GABRB2: variants seen among roughly 807,000 people sequenced by gnomAD.
GABRB2 encodes the protein gamma-aminobutyric acid type A receptor subunit beta2.
Under a neutral mutation model 54.7 loss-of-function variants are expected in GABRB2, and 16 were observed. The observed-to-expected ratio is 0.29, with a 90% CI of 0.20 to 0.44. The LOEUF (loss-of-function observed/expected upper bound fraction) is 0.44, where lower values mean the gene tolerates loss of function less well. Ranked by LOEUF, GABRB2 falls within the 20% of genes least tolerant of loss-of-function variation. The pLI, the probability that GABRB2 is intolerant of heterozygous loss-of-function variation, is 1.00. For missense variants in GABRB2, 355 were observed against 644.0 expected (o/e 0.55, Z 4.86); for synonymous variants, 244 against 233.8 (o/e 1.04, Z -0.40).
chr5:161,358,465 T>G (rs1754706120), intron 5 of GABRB2, among the ~76,000 whole-genome samples: 1 of 152,072 alleles, frequency 6.6e-6, no homozygotes, highest in South Asian at 2.1e-4. Context: ...GCAGGTTCAC[T>G]GGGGAAAATT....
intron 4 of GABRB2, 48 bp downstream of exon 4, chr5:161,459,576 A>T: frequency 7.1e-7 from 1 of 1,411,068 alleles, no homozygotes; most frequent in Non-Finnish European, 1.0e-6. Flanking sequence ...GAAAATTAAC[A>T]GCTATTTTGT....
intron 4 of GABRB2, among the ~76,000 whole-genome samples, chr5:161,427,606 G>T (rs1196514589): frequency 2.0e-5 from 3 of 151,820 alleles, no homozygotes; most frequent in Non-Finnish European, 4.4e-5. Context: ...GCACAACTTT[G>T]TTAATTTGGG....
intron 3 of GABRB2, among the ~76,000 whole-genome samples, chr5:161,493,764 G>T (rs1759145705): frequency 1.3e-5 from 2 of 151,706 alleles, no homozygotes; most frequent in South Asian, 4.1e-4. Flanking sequence ...CTGGTACAGA[G>T]GAAAACTACC....
intron 4 of GABRB2, among the ~76,000 whole-genome samples, chr5:161,458,271 A>C (rs866031570): frequency 6.6e-6 from 1 of 152,176 alleles, no homozygotes; most frequent in Non-Finnish European, 1.5e-5. Context: ...CCACTTCAGT[A>C]GAATCTTTTC....
chr5:161,545,394 G>T, intron 2 of GABRB2, 100 bp from the exon 3 acceptor site: 5 of 605,730 alleles, frequency 8.3e-6, no homozygotes, highest in South Asian at 1.2e-4. Context: ...AAACCCTTCT[G>T]CACTACTCAA....
intron 5 of GABRB2, among the ~76,000 whole-genome samples, chr5:161,363,538 A>AT (rs1028815958): frequency 2.1e-5 from 3 of 145,224 alleles, no homozygotes; most frequent in African/African-American, 4.9e-5. Context: ...AAAAAAATTA[A>AT]TTTTTTTAAA....
At chr5:161,415,860 G>A (rs551577951) in intron 4 of GABRB2, among the ~76,000 whole-genome samples, 27 of 152,162 alleles carry the variant, frequency 1.8e-4, no homozygotes, top group African/African-American at 5.5e-4. Flanking sequence ...TGATCCACTT[G>A]CCCCAGCCTC....
At chr5:161,403,632 G>A (rs1355351279) in intron 5 of GABRB2, among the ~76,000 whole-genome samples, 1 of 152,060 alleles carries the variant, frequency 6.6e-6, no homozygotes, top group East Asian at 1.9e-4. Context: ...AGCAGAAAAC[G>A]TGTAAAATAA....
intron 4 of GABRB2, among the ~76,000 whole-genome samples, chr5:161,423,297 C>T (rs920359139): frequency 2.6e-5 from 4 of 152,010 alleles, no homozygotes; most frequent in South Asian, 2.1e-4. Context: ...AGAAAGATTT[C>T]GAGATAGGCA....
chr5:161,420,354 T>A (rs1474659431), intron 4 of GABRB2, among the ~76,000 whole-genome samples: 1 of 152,246 alleles, frequency 6.6e-6, no homozygotes, highest in African/African-American at 2.4e-5. Context: ...GCAAATATTA[T>A]TTTAAAATGT....
At chr5:161,297,375 T>C (rs1382120524) in intron 9 of GABRB2, among the ~76,000 whole-genome samples, 1 of 152,200 alleles carries the variant, frequency 6.6e-6, no homozygotes, top group African/African-American at 2.4e-5. Flanking sequence ...GGTGGTTTGC[T>C]GCACCCATCA....
At chr5:161,528,169 G>C (rs749662139) in intron 3 of GABRB2, among the ~76,000 whole-genome samples, 1 of 151,650 alleles carries the variant, frequency 6.6e-6, no homozygotes, top group Non-Finnish European at 1.5e-5. Context: ...AAAACATTAA[G>C]AGCAAAAATC....
At chr5:161,525,340 A>G (rs1363657754) in intron 3 of GABRB2, among the ~76,000 whole-genome samples, 1 of 151,450 alleles carries the variant, frequency 6.6e-6, no homozygotes, top group African/African-American at 2.4e-5. Flanking sequence ...ATTCCAATGT[A>G]TATCTTTGAA....
At chr5:161,307,225 C>A (rs1224934270) in intron 9 of GABRB2, among the ~76,000 whole-genome samples, 2 of 152,076 alleles carry the variant, frequency 1.3e-5, no homozygotes, top group Non-Finnish European at 2.9e-5. Context: ...CCTGATCAGG[C>A]GCCCCATTAT....
chr5:161,445,335 G>A (rs2113220269), intron 4 of GABRB2, among the ~76,000 whole-genome samples: 1 of 152,192 alleles, frequency 6.6e-6, no homozygotes, highest in South Asian at 2.1e-4. Flanking sequence ...CTGCCATTAG[G>A]ACTACTGTAT....
chr5:161,310,201 A>C (rs1452930181), intron 9 of GABRB2, among the ~76,000 whole-genome samples: 1 of 152,034 alleles, frequency 6.6e-6, no homozygotes, highest in Non-Finnish European at 1.5e-5. Context: ...TCAGGAAAAA[A>C]CTAATGGGTA....
intron 3 of GABRB2, among the ~76,000 whole-genome samples, chr5:161,473,746 C>T (rs1224618466): frequency 6.6e-6 from 1 of 151,846 alleles, no homozygotes; most frequent in East Asian, 1.9e-4. Context: ...ACTGTTAGAC[C>T]CAACAAGCTC....
chr5:161,490,991 G>T (rs183036374), intron 3 of GABRB2, among the ~76,000 whole-genome samples: 1 of 151,646 alleles, frequency 6.6e-6, no homozygotes, highest in Non-Finnish European at 1.5e-5. Flanking sequence ...CAATGCCATC[G>T]GTCCCTTCCT....
At chr5:161,338,795 T>C (rs1203823234) in intron 5 of GABRB2, among the ~76,000 whole-genome samples, 1 of 151,922 alleles carries the variant, frequency 6.6e-6, no homozygotes, top group East Asian at 1.9e-4. Flanking sequence ...CTAAAAAATA[T>C]ATAAATAAAT....
Sources: gnomAD v4.1 joint callset for allele counts (sites outside exome capture counted in the v4.1 genomes callset) on GRCh38, gnomAD v4.1.1 for gene constraint, MANE v1.5 for transcripts, NCBI Gene and HGNC (gene_info 2026-07-23, HGNC 2026-07-21) for gene names.